The following RBFOX1 variants were observed in gnomAD, a reference collection of about 807,000 sequenced individuals.
The protein encoded by RBFOX1 is RNA binding protein fox-1 homolog 1.
RBFOX1 carries 8 observed loss-of-function variants against 57.7 expected under a neutral mutation model. The ratio of observed to expected loss-of-function variants is 0.14; its 90% CI spans 0.08 to 0.25. RBFOX1 has a LOEUF of 0.25. Among genes scored for constraint, RBFOX1 ranks in the 10% least tolerant of loss-of-function variants. The pLI, the probability that RBFOX1 is intolerant of heterozygous loss-of-function variation, is 1.00. For missense variants in RBFOX1, 611 were observed against 548.5 expected, an observed-to-expected ratio of 1.11 and a Z score of -1.14; for synonymous variants, 326 against 222.4, an observed-to-expected ratio of 1.47 and a Z score of -4.15.
At chr16:5,530,798 A>G (rs1255670322) in intron 2 of RBFOX1, among the ~76,000 whole-genome samples, 1 of 152,010 alleles carries the variant, frequency 6.6e-6, no homozygotes, top group African/African-American at 2.4e-5. Context: ...TTTTAAAATC[A>G]CAGTCCAGCC....
chr16:6,983,314 ATTTC>A (rs1055735117), intron 3 of RBFOX1, among the ~76,000 whole-genome samples: 4 of 152,174 alleles, frequency 2.6e-5, no homozygotes, highest in Middle Eastern at 3.4e-3. Flanking sequence ...TTTGTCCATT[ATTTC>A]TTTAGCCGTA....
At chr16:5,243,574 C>T (rs867891106) in intron 1 of RBFOX1, among the ~76,000 whole-genome samples, 1 of 152,150 alleles carries the variant, frequency 6.6e-6, no homozygotes, top group East Asian at 1.9e-4. Flanking sequence ...GTGCCATTCC[C>T]CCCTCCCAGC....
intron 8 of RBFOX1, among the ~76,000 whole-genome samples, chr16:7,596,168 T>A (rs1254748689): frequency 6.8e-6 from 1 of 146,254 alleles, no homozygotes; most frequent in Non-Finnish European, 1.5e-5. Context: ...TTACTAAACC[T>A]CTCGTTTTTT....
chr16:7,617,495 A>C (rs2058645609), intron 10 of RBFOX1, among the ~76,000 whole-genome samples: 1 of 152,176 alleles, frequency 6.6e-6, no homozygotes. Flanking sequence ...CACCAGTTTA[A>C]GCCCTTGAGA....
At chr16:6,711,691 G>C (rs1350982871) in intron 3 of RBFOX1, among the ~76,000 whole-genome samples, 1 of 152,064 alleles carries the variant, frequency 6.6e-6, no homozygotes, top group Non-Finnish European at 1.5e-5. Context: ...ACTTTATTAA[G>C]TCTCAGGTAT....
rs138725166 is a variant in RBFOX1, at chr16:6,736,873, A to G, written c.-16+82223A>G. Among the ~76,000 whole-genome samples the G allele has an allele frequency of 7.5e-3, 1,143 of 152,280 alleles. 3 individuals carry two copies. Among genetic ancestry groups the G allele is most frequent in the Admixed American group, 0.012 (178 of 15,290 alleles). ...AGTGGGATACCTAGAGTCTGAAGCA[A>G]TTGATTTGGAGCCTAGGTATAGACT... On this transcript the variant is annotated intron_variant, in intron 3 of 15. Transcript: ENST00000550418.
In RBFOX1 at chr16:6,340,822, C is replaced by T. The variant is rs188433983; in HGVS notation, c.-64+23765C>T. ...GGTCTTAGCCTCCTTTTACGCAGCC[C>T]CTATTCAATATGGAGTTGCCCTTGT... On this transcript the variant is annotated intron_variant, in intron 2 of 15. Transcript: ENST00000550418. Among the ~76,000 whole-genome samples the T allele has an allele frequency of 8.2e-4, 125 of 152,198 alleles. 1 individual carries two copies. The highest frequency in any genetic ancestry group is 2.9e-3 in the African/African-American group (119 of 41,526).
At chr16:6,078,024 C>G (rs373426177) in intron 1 of RBFOX1, among the ~76,000 whole-genome samples, 18 of 152,210 alleles carry the variant, frequency 1.2e-4, no homozygotes, top group African/African-American at 4.1e-4. Context: ...TGAGACTGAA[C>G]ATTTTGTTGG....
At chr16:5,613,380 G>A (rs554309998) in intron 3 of RBFOX1, among the ~76,000 whole-genome samples, 57 of 152,188 alleles carry the variant, frequency 3.7e-4, no homozygotes, top group African/African-American at 1.4e-3. Context: ...TTCTGTACGT[G>A]GGTGCAACGT....
chr16:7,608,323 C>T (rs1013143230), intron 10 of RBFOX1, among the ~76,000 whole-genome samples: 1 of 152,202 alleles, frequency 6.6e-6, no homozygotes, highest in African/African-American at 2.4e-5. Flanking sequence ...AACTTAGCTA[C>T]TCTGGCACAA....
At chr16:5,719,800 A>T (rs2051859928) in intron 3 of RBFOX1, among the ~76,000 whole-genome samples, 1 of 151,980 alleles carries the variant, frequency 6.6e-6, no homozygotes. Flanking sequence ...TTATTTGTTT[A>T]TCATTTGTTG....
intron 3 of RBFOX1, among the ~76,000 whole-genome samples, chr16:5,628,056 A>T (rs1027524977): frequency 7.9e-5 from 12 of 152,210 alleles, no homozygotes. Context: ...AATATTAAGT[A>T]AAGTAGTATA....
At chr16:6,693,245 C>G (rs2060497738) in intron 3 of RBFOX1, among the ~76,000 whole-genome samples, 1 of 151,518 alleles carries the variant, frequency 6.6e-6, no homozygotes, top group African/African-American at 2.4e-5. Flanking sequence ...ACCATCACCA[C>G]CATCATCATC....
chr16:7,261,148 C>T (rs889015853), intron 4 of RBFOX1, among the ~76,000 whole-genome samples: 2 of 152,184 alleles, frequency 1.3e-5, no homozygotes, highest in Admixed American at 1.3e-4. Flanking sequence ...AGAGCCAACC[C>T]ACTAGAGCTC....
intron 1 of RBFOX1, among the ~76,000 whole-genome samples, chr16:5,345,729 A>G (rs1286941244): frequency 6.6e-6 from 1 of 152,064 alleles, no homozygotes; most frequent in Non-Finnish European, 1.5e-5. Context: ...TGCATGGGAG[A>G]GAGTGGTGGC....
intron 4 of RBFOX1, among the ~76,000 whole-genome samples, chr16:5,959,815 A>G (rs2059713786): frequency 6.6e-6 from 1 of 152,164 alleles, no homozygotes; most frequent in Non-Finnish European, 1.5e-5. Flanking sequence ...CTATCTGAAG[A>G]AAAAGAAATA....
At chr16:7,527,850 A>G (rs1567677232) in intron 5 of RBFOX1, among the ~76,000 whole-genome samples, 1 of 152,208 alleles carries the variant, frequency 6.6e-6, no homozygotes. Context: ...CGAGTTCTTC[A>G]TTAAAAATGT....
chr16:6,335,886 G>A (rs1489698640), intron 2 of RBFOX1, among the ~76,000 whole-genome samples: 1 of 150,424 alleles, frequency 6.6e-6, no homozygotes, highest in Non-Finnish European at 1.5e-5. Context: ...TATTTCCTAT[G>A]TCCATATGTC....
At chr16:6,962,741 G>A (rs2083288838) in intron 3 of RBFOX1, among the ~76,000 whole-genome samples, 2 of 152,132 alleles carry the variant, frequency 1.3e-5, no homozygotes, top group African/African-American at 4.8e-5. Context: ...GCATGTGTGT[G>A]TAGCCCCAGC....
Sources: gnomAD v4.1 joint callset for allele counts (sites outside exome capture counted in the v4.1 genomes callset) on GRCh38, gnomAD v4.1.1 for gene constraint, MANE v1.5 for transcripts, NCBI Gene and HGNC (gene_info 2026-07-23, HGNC 2026-07-21) for gene names.